The following WWTR1 variants were observed in gnomAD, a reference collection of about 807,000 sequenced individuals.
The protein encoded by WWTR1 is WW domain-containing transcription regulator protein 1.
A neutral mutation model predicts 40.1 loss-of-function variants in WWTR1; 13 were observed. That is an observed-to-expected ratio of 0.32 (90% confidence interval 0.21 to 0.52). The LOEUF is 0.52. Ranked by LOEUF, WWTR1 falls within the 20% of genes least tolerant of loss-of-function variation. WWTR1 has a pLI of 0.97. For missense variants in WWTR1, 436 were observed against 523.1 expected, an observed-to-expected ratio of 0.83 and a Z score of 1.63; for synonymous variants, 230 against 210.1, an observed-to-expected ratio of 1.09 and a Z score of -0.82.
chr3:149,578,793 A>G (rs374406335), intron 2 of WWTR1, among the ~76,000 whole-genome samples: 6 of 152,056 alleles, frequency 3.9e-5, no homozygotes, highest in African/African-American at 1.4e-4. Context: ...GGCAAGAGAA[A>G]CACTTGAACC....
chr3:149,710,441 C>T (rs1480679027), intron 5 of WWTR1, among the ~76,000 whole-genome samples: 2 of 151,878 alleles, frequency 1.3e-5, no homozygotes, highest in Non-Finnish European at 2.9e-5. Context: ...TGATCTAAGG[C>T]AGATAACATC....
At chr3:149,690,757 A>G (rs1261794080) in intron 1 of WWTR1, among the ~76,000 whole-genome samples, 1 of 152,168 alleles carries the variant, frequency 6.6e-6, no homozygotes, top group African/African-American at 2.4e-5. Context: ...TGCACTATAC[A>G]CCAAATGGAC....
At position 149,603,538 on chromosome 3, in the gene WWTR1, C is replaced by A. The variant is rs983687276; in HGVS notation, c.432-30538G>T. 4.1e-5 allele frequency among the ~76,000 whole-genome samples: 6 copies of A among 147,578 alleles called. 1 individual carries two copies. The highest frequency in any genetic ancestry group is 1.6e-4 in the African/African-American group (6 of 38,706). The stretch of plus-strand genomic sequence containing the variant: ...CATGATAATGCTAATAATTTAGTTA[C>A]AAAGGTTCCCCACCCCCCCCTTGTA... On this transcript the variant is annotated intron_variant, in intron 2 of 6. Transcript: ENST00000360632.
chr3:149,590,568 C>T (rs1226993355), intron 2 of WWTR1, among the ~76,000 whole-genome samples: 1 of 152,086 alleles, frequency 6.6e-6, no homozygotes, highest in Non-Finnish European at 1.5e-5. Context: ...ATCGCTTGAA[C>T]CCGGGAGGTG....
chr3:149,712,864 A>C (rs1715513667), intron 5 of WWTR1, among the ~76,000 whole-genome samples: 1 of 152,222 alleles, frequency 6.6e-6, no homozygotes, highest in Admixed American at 6.5e-5. Context: ...TTAATCCTCA[A>C]AATAACTGCA....
upstream of WWTR1, chr3:149,659,331 A>ATTTTTTTTTTTTTTTTTTTTTT (rs71138403): frequency 3.1e-4 from 33 of 106,462 alleles, 4 homozygotes; most frequent in African/African-American, 1.2e-3. Context: ...TTGTGCCTTA[A>ATTTTTTTTTTTTTTTTTTTTTT]TTTTTTTTTT....
chr3:149,679,369 A>G (rs981521969), intron 1 of WWTR1, among the ~76,000 whole-genome samples: 13 of 152,222 alleles, frequency 8.5e-5, no homozygotes, highest in African/African-American at 3.1e-4. Context: ...GGTTATTTTG[A>G]GCATGATATA....
intron 1 of WWTR1, among the ~76,000 whole-genome samples, chr3:149,691,696 T>G (rs1051050318): frequency 6.6e-6 from 1 of 152,068 alleles, no homozygotes; most frequent in Non-Finnish European, 1.5e-5. Context: ...TGGGACTCTA[T>G]GGCTTCGCTG....
chr3:149,596,404 G>A (rs1459265822), intron 2 of WWTR1, among the ~76,000 whole-genome samples: 1 of 152,192 alleles, frequency 6.6e-6, no homozygotes, highest in Non-Finnish European at 1.5e-5. Context: ...CTGGGCACAA[G>A]CAAGCCCTGG....
At chr3:149,655,377 G>A (rs147981969) in intron 2 of WWTR1, among the ~76,000 whole-genome samples, 1,770 of 152,140 alleles carry the variant, frequency 0.012, 30 homozygotes, top group African/African-American at 0.041. Context: ...CCCAGGGGGC[G>A]GAGGTTGCAG....
At chr3:149,584,336 C>G (rs1003421469) in intron 2 of WWTR1, among the ~76,000 whole-genome samples, 2 of 152,114 alleles carry the variant, frequency 1.3e-5, no homozygotes, top group Non-Finnish European at 2.9e-5. Flanking sequence ...GATTTAATTC[C>G]TTTTTGTTGG....
At chr3:149,545,519 TG>T (rs1351934259) in intron 3 of WWTR1, among the ~76,000 whole-genome samples, 1 of 152,058 alleles carries the variant, frequency 6.6e-6, no homozygotes, top group Non-Finnish European at 1.5e-5. Context: ...AACCCTATGT[TG>T]TTGTTGTTAT....
intron 3 of WWTR1, among the ~76,000 whole-genome samples, chr3:149,547,325 G>C (rs2107947279): frequency 6.6e-6 from 1 of 151,028 alleles, no homozygotes; most frequent in South Asian, 2.1e-4. Flanking sequence ...AGGAGTTCGA[G>C]ACCAGCCTGG....
chr3:149,592,797 G>A (rs1488630292), intron 2 of WWTR1, among the ~76,000 whole-genome samples: 4 of 151,986 alleles, frequency 2.6e-5, no homozygotes, highest in Non-Finnish European at 2.9e-5. Context: ...CCCTTGGTTC[G>A]GGGTCACAGC....
intron 5 of WWTR1, 131 bp from the exon 6 acceptor site, chr3:149,526,256 G>A: frequency 2.0e-6 from 1 of 512,184 alleles, no homozygotes; most frequent in Non-Finnish European, 3.3e-6. Context: ...TAGGGAGGAA[G>A]GAAAGTTTTA....
At chr3:149,604,173 T>C (rs1739384442) in intron 2 of WWTR1, among the ~76,000 whole-genome samples, 1 of 152,210 alleles carries the variant, frequency 6.6e-6, no homozygotes. Flanking sequence ...ATAAGTATTA[T>C]CCCAACTTTA....
chr3:149,708,379 T>A (rs1180598781), intron 5 of WWTR1, among the ~76,000 whole-genome samples: 1 of 152,222 alleles, frequency 6.6e-6, no homozygotes, highest in Non-Finnish European at 1.5e-5. Context: ...TCAGTAGTAC[T>A]AAGTACATTC....
chr3:149,666,152 T>TC (rs1392457530), intron 2 of WWTR1, among the ~76,000 whole-genome samples: 1 of 152,210 alleles, frequency 6.6e-6, no homozygotes, highest in Non-Finnish European at 1.5e-5. Context: ...AAGCCACTGC[T>TC]CTTCCTTGTC....
intron 4 of WWTR1, among the ~76,000 whole-genome samples, chr3:149,534,188 G>A (rs901141891): frequency 1.3e-5 from 2 of 151,706 alleles, no homozygotes; most frequent in Admixed American, 1.3e-4. Context: ...GAAAGAAAAA[G>A]AAAAGAAAAG....
Sources: allele counts gnomAD v4.1 joint callset (sites outside exome capture counted in the v4.1 genomes callset), GRCh38; gene constraint gnomAD v4.1.1; transcripts MANE v1.5; gene names NCBI Gene and HGNC (gene_info 2026-07-23, HGNC 2026-07-21).